The following PDLIM2 variants were observed in gnomAD, a reference collection of about 807,000 sequenced individuals.
PDLIM2 encodes the protein PDZ and LIM domain 2.
In PDLIM2, 51 loss-of-function variants were observed where a neutral mutation model predicts 54.1. The observed-to-expected ratio is 0.94, with a 90% CI of 0.75 to 1.19. The LOEUF is 1.19. Ranked by LOEUF, PDLIM2 falls within the 50% of genes most tolerant of loss-of-function variation. The probability of loss-of-function intolerance (pLI) is 0.00; values close to 1 mark genes in which losing one functional copy is unlikely to be tolerated. For missense variants in PDLIM2, 912 were observed against 874.0 expected, an observed-to-expected ratio of 1.04 and a Z score of -0.55; for synonymous variants, 398 against 385.6, an observed-to-expected ratio of 1.03 and a Z score of -0.38.
intron 6 of PDLIM2, among the ~76,000 whole-genome samples, chr8:22,586,371 G>C (rs1800383092): frequency 6.6e-6 from 1 of 152,218 alleles, no homozygotes; most frequent in African/African-American, 2.4e-5. Flanking sequence ...GTAGAGATAA[G>C]GCAAACTTGC....
downstream of PDLIM2, chr8:22,595,460 G>A (rs1259179422): frequency 6.6e-6 from 1 of 152,216 alleles, no homozygotes; most frequent in African/African-American, 2.4e-5. Flanking sequence ...TGGGCACAGC[G>A]GGAATACAGA....
chr8:22,578,900 G>A (rs1184066243), exon 1 of PDLIM2: 2 of 1,238,166 alleles, frequency 1.6e-6, no homozygotes, highest in Admixed American at 4.2e-5. Flanking sequence ...GGGCAGTCGG[G>A]GGCTTGCGGG....
chr8:22,593,638 G>A, intron 9 of PDLIM2, 95 bp from the exon 9 acceptor site: 2 of 1,043,800 alleles, frequency 1.9e-6, no homozygotes, highest in Non-Finnish European at 2.7e-6. Flanking sequence ...GCTCCACCCA[G>A]GTCCTGATGC....
chr8:22,581,213 G>C, intron 2 of PDLIM2, 166 bp from the exon 2 acceptor site: 2 of 866,120 alleles, frequency 2.3e-6, no homozygotes. Flanking sequence ...TGCGCTCCTG[G>C]AGGGGATGGC....
chr8:22,597,128 A>T (rs959055503), downstream of PDLIM2: 1 of 152,280 alleles, frequency 6.6e-6, no homozygotes, highest in African/African-American at 2.4e-5. Context: ...CACTTCCTGA[A>T]GCCAGGACTT....
chr8:22,585,352 C>T (rs947878950), exon 6 of PDLIM2: 1 of 1,612,808 alleles, frequency 6.2e-7, no homozygotes. Context: ...CCCGGGCCTC[C>T]CCGCTGCTGA....
At chr8:22,590,762 G>C (rs933383076) in intron 8 of PDLIM2, 1 of 152,402 alleles carries the variant, frequency 6.6e-6, no homozygotes, top group African/African-American at 2.4e-5. Context: ...CTGGACCTCA[G>C]TTGAGTCCCA....
exon 5 of PDLIM2, chr8:22,585,154 C>T: frequency 6.2e-7 from 1 of 1,613,264 alleles, no homozygotes; most frequent in Non-Finnish European, 8.5e-7. Context: ...AGGCAGCCAT[C>T]AGCCGCAGGT....
In PDLIM2 at chr8:22,589,140, C is replaced by G. The variant is rs1049617261; in HGVS notation, c.1291-158C>G. On this transcript the variant is annotated intron_variant, in intron 6 of 9. Transcript: ENST00000308354. ...CTGGTCGGCGAGGGCTGGGAGCCCC[C>G]GACACCTTGGCTCCAAGGGAAGGGG... 4.3e-4 allele frequency: 256 copies of G among 591,926 alleles called. 3 individuals carry two copies. Among genetic ancestry groups the G allele is most frequent in the Non-Finnish European group, 6.1e-4 (210 of 343,352 alleles). 36.7% of individuals were successfully genotyped at this position (591,926 alleles called of 1,614,324 possible).
At chr8:22,589,226 G>C (rs1402926702) in intron 6 of PDLIM2, 72 bp from the exon 6 acceptor site, 1 of 1,491,108 alleles carries the variant, frequency 6.7e-7, no homozygotes, top group Non-Finnish European at 9.0e-7. Flanking sequence ...GGAACAGCCG[G>C]GCTAGGCCCT....
chr8:22,583,806 T>C (rs1800282438), intron 3 of PDLIM2, among the ~76,000 whole-genome samples: 1 of 114,520 alleles, frequency 8.7e-6, no homozygotes, highest in Non-Finnish European at 1.6e-5. Flanking sequence ...CAAATCAATC[T>C]ACAAACCCGA....
intron 3 of PDLIM2, among the ~76,000 whole-genome samples, chr8:22,582,207 A>G (rs1800223606): frequency 6.6e-6 from 1 of 152,118 alleles, no homozygotes; most frequent in South Asian, 2.1e-4. Flanking sequence ...CGGGCCTAGA[A>G]CCTGAGTCAG....
downstream of PDLIM2, chr8:22,594,941 A>G: frequency 3.5e-6 from 1 of 285,896 alleles, no homozygotes. Flanking sequence ...AAACACAAAA[A>G]CAAATGAATG....
chr8:22,583,725 C>G (rs1021631116), intron 3 of PDLIM2, among the ~76,000 whole-genome samples: 5 of 151,904 alleles, frequency 3.3e-5, no homozygotes, highest in African/African-American at 1.2e-4. Context: ...CGAGATTGCA[C>G]CACTGCGCTC....
chr8:22,594,759 T>C (rs985291859), downstream of PDLIM2: 19 of 1,456,294 alleles, frequency 1.3e-5, no homozygotes, highest in African/African-American at 1.3e-4. Flanking sequence ...GCTGGCTTCA[T>C]TGGTGATTGA....
At chr8:22,580,775 T>G in intron 2 of PDLIM2, 78 bp downstream of exon 1, 1 of 1,446,728 alleles carries the variant, frequency 6.9e-7, no homozygotes, top group Non-Finnish European at 9.6e-7. Context: ...TCTGCACAGA[T>G]GGCTTGCTTT....
exon 1 of PDLIM2, chr8:22,578,911 C>A: frequency 7.3e-6 from 9 of 1,237,918 alleles, no homozygotes; most frequent in Non-Finnish European, 9.1e-6. Flanking sequence ...GGCTTGCGGG[C>A]GCTCCGGGGA....
chr8:22,585,532 A>G, intron 6 of PDLIM2, 133 bp downstream of exon 5: 1 of 854,152 alleles, frequency 1.2e-6, no homozygotes, highest in South Asian at 1.7e-5. Flanking sequence ...GGCCACAGGC[A>G]TGCTCTGCTC....
downstream of PDLIM2, chr8:22,594,845 G>C: frequency 1.4e-6 from 1 of 715,486 alleles, no homozygotes; most frequent in Non-Finnish European, 2.1e-6. Flanking sequence ...AGCCCTCCTG[G>C]AGCTCAGGAG....
Sources: allele counts gnomAD v4.1 joint callset (sites outside exome capture counted in the v4.1 genomes callset), GRCh38; gene constraint gnomAD v4.1.1; transcripts MANE v1.5; gene names NCBI Gene and HGNC (gene_info 2026-07-23, HGNC 2026-07-21).